BNC2: variants seen among roughly 807,000 people sequenced by gnomAD.
BNC2 encodes the protein zinc finger protein basonuclin-2.
A neutral mutation model predicts 76.3 loss-of-function variants in BNC2; 20 were observed. That is an observed-to-expected ratio of 0.26 (90% CI 0.18 to 0.38). The LOEUF is 0.38. Ranked by LOEUF, BNC2 falls within the 10% of genes least tolerant of loss-of-function variation. The pLI is 1.00. For missense variants in BNC2, 1,382 were observed against 1,399.8 expected, an observed-to-expected ratio of 0.99 and a Z score of 0.20; for synonymous variants, 582 against 514.8, an observed-to-expected ratio of 1.13 and a Z score of -1.77.
intron 1 of BNC2, among the ~76,000 whole-genome samples, chr9:16,843,773 C>T (rs907976501): frequency 1.1e-4 from 16 of 152,162 alleles, no homozygotes; most frequent in African/African-American, 3.6e-4. Context: ...TTAGGTACTA[C>T]GCTTTTCATC....
chr9:16,675,795 G>A (rs750903908), intron 3 of BNC2, among the ~76,000 whole-genome samples: 3 of 152,082 alleles, frequency 2.0e-5, no homozygotes, highest in Non-Finnish European at 4.4e-5. Context: ...GGCCGGGCTC[G>A]GTGGCTCACA....
chr9:16,585,952 A>T (rs2133096123), intron 3 of BNC2, among the ~76,000 whole-genome samples: 1 of 152,220 alleles, frequency 6.6e-6, no homozygotes, highest in Non-Finnish European at 1.5e-5. Context: ...AGGAGCAGAG[A>T]GTTCAGTCAG....
intron 5 of BNC2, among the ~76,000 whole-genome samples, chr9:16,514,436 G>T (rs939959637): frequency 6.6e-6 from 1 of 152,134 alleles, no homozygotes; most frequent in African/African-American, 2.4e-5. Context: ...ATGAGCAAAA[G>T]CCAGAATCTT....
chr9:16,503,284 G>T (rs1822559043), intron 5 of BNC2, among the ~76,000 whole-genome samples: 1 of 152,056 alleles, frequency 6.6e-6, no homozygotes, highest in Admixed American at 6.6e-5. Flanking sequence ...TATTTTGAGG[G>T]TCAAAAAACA....
chr9:16,457,172 C>T (rs779818067), intron 5 of BNC2, among the ~76,000 whole-genome samples: 2 of 152,300 alleles, frequency 1.3e-5, no homozygotes, highest in African/African-American at 2.4e-5. Context: ...TGACTAAACT[C>T]AATGACAAAA....
chr9:16,554,738 G>C (rs1029592771), intron 4 of BNC2, among the ~76,000 whole-genome samples: 3 of 151,906 alleles, frequency 2.0e-5, no homozygotes, highest in Non-Finnish European at 4.4e-5. Context: ...TGACCAGATC[G>C]GGGGCGATCT....
intron 3 of BNC2, among the ~76,000 whole-genome samples, chr9:16,722,302 T>C (rs1013428657): frequency 1.3e-5 from 2 of 152,170 alleles, no homozygotes; most frequent in Non-Finnish European, 2.9e-5. Context: ...AGCATCTAAT[T>C]AGTCAGGGAG....
chr9:16,465,776 G>A (rs1476649827), intron 5 of BNC2, among the ~76,000 whole-genome samples: 1 of 152,088 alleles, frequency 6.6e-6, no homozygotes, highest in Non-Finnish European at 1.5e-5. Flanking sequence ...TTCCACTTAG[G>A]AGATGACTGG....
intron 1 of BNC2, among the ~76,000 whole-genome samples, chr9:16,756,408 CT>C (rs1825385290): frequency 1.3e-5 from 2 of 152,174 alleles, no homozygotes; most frequent in Non-Finnish European, 2.9e-5. Context: ...ATTCCTCTCT[CT>C]ATTACTCTGG....
At chr9:16,523,237 C>T (rs1407420953) in intron 5 of BNC2, among the ~76,000 whole-genome samples, 3 of 151,236 alleles carry the variant, frequency 2.0e-5, no homozygotes, top group Admixed American at 6.6e-5. Flanking sequence ...TTTGGGAGGC[C>T]GAGGTGGGTG....
chr9:16,643,168 T>G (rs989365664), intron 3 of BNC2, among the ~76,000 whole-genome samples: 1 of 151,922 alleles, frequency 6.6e-6, no homozygotes, highest in East Asian at 1.9e-4. Context: ...TAGCCGGGCA[T>G]GGTGGTGCGT....
chr9:16,541,880 C>T (rs1435219484), intron 5 of BNC2, among the ~76,000 whole-genome samples: 3 of 151,972 alleles, frequency 2.0e-5, no homozygotes, highest in African/African-American at 7.3e-5. Flanking sequence ...ACTAAGGAAT[C>T]TGAAAAAAAA....
intron 3 of BNC2, among the ~76,000 whole-genome samples, chr9:16,683,605 T>C (rs1209949792): frequency 3.3e-5 from 5 of 152,068 alleles, no homozygotes; most frequent in Non-Finnish European, 4.4e-5. Flanking sequence ...AGGAAAAAAT[T>C]TAAAAAGGAC....
intron 3 of BNC2, among the ~76,000 whole-genome samples, chr9:16,697,027 C>G (rs1362541885): frequency 6.6e-6 from 1 of 152,144 alleles, no homozygotes; most frequent in Non-Finnish European, 1.5e-5. Context: ...ACTAAGCAAC[C>G]TTCTAGAAAG....
At chr9:16,588,135 T>C (rs530039616) in intron 3 of BNC2, among the ~76,000 whole-genome samples, 4 of 152,262 alleles carry the variant, frequency 2.6e-5, no homozygotes, top group East Asian at 1.9e-4. Flanking sequence ...AACAATGACA[T>C]TGCAACAGTG....
intron 3 of BNC2, chr9:16,727,395 G>C (rs1307679368): frequency 5.2e-6 from 1 of 192,594 alleles, no homozygotes; most frequent in African/African-American, 2.4e-5. Context: ...CTGTTTTTTA[G>C]GTTGCGGAAC....
intron 3 of BNC2, among the ~76,000 whole-genome samples, chr9:16,662,276 A>G (rs1299188652): frequency 2.0e-5 from 3 of 152,206 alleles, no homozygotes; most frequent in Non-Finnish European, 2.9e-5. Flanking sequence ...AGTAAACACA[A>G]CAAACCTATG....
At chr9:16,488,999 A>G (rs998216820) in intron 5 of BNC2, among the ~76,000 whole-genome samples, 1 of 152,348 alleles carries the variant, frequency 6.6e-6, no homozygotes, top group Non-Finnish European at 1.5e-5. Context: ...CTAAGACAAT[A>G]GAATTAAAAA....
chr9:16,659,820 C>T (rs1487173801), intron 3 of BNC2, among the ~76,000 whole-genome samples: 2 of 152,134 alleles, frequency 1.3e-5, no homozygotes, highest in Non-Finnish European at 2.9e-5. Context: ...TTCCCATCCC[C>T]TTATTCTCTG....
Sources: allele counts gnomAD v4.1 joint callset (sites outside exome capture counted in the v4.1 genomes callset), GRCh38; gene constraint gnomAD v4.1.1; transcripts MANE v1.5; gene names NCBI Gene and HGNC (gene_info 2026-07-23, HGNC 2026-07-21).